The following SEMA3A variants were observed in gnomAD, a reference collection of about 807,000 sequenced individuals.
The protein encoded by SEMA3A is semaphorin 3A.
Under a neutral mutation model 97.9 loss-of-function variants are expected in SEMA3A, and 29 were observed. The observed-to-expected ratio is 0.30, with a 90% CI of 0.22 to 0.40. The LOEUF is 0.40. Ranked by LOEUF, SEMA3A falls within the 10% of genes least tolerant of loss-of-function variation. The pLI, the probability that SEMA3A is intolerant of heterozygous loss-of-function variation, is 1.00. For missense variants in SEMA3A, 763 were observed against 951.3 expected (o/e 0.80, Z 2.60); for synonymous variants, 321 against 323.7 (o/e 0.99, Z 0.09).
intron 3 of SEMA3A, among the ~76,000 whole-genome samples, chr7:84,113,268 A>G (rs1795327883): frequency 6.6e-6 from 1 of 152,212 alleles, no homozygotes; most frequent in Admixed American, 6.5e-5. Flanking sequence ...TGACAGAGAC[A>G]TTGTTAGTAA....
chr7:84,213,630 T>C (rs1164274902), intron 3 of SEMA3A, among the ~76,000 whole-genome samples: 1 of 152,174 alleles, frequency 6.6e-6, no homozygotes, highest in Non-Finnish European at 1.5e-5. Context: ...ATGCAAACAT[T>C]GGCATAATAA....
Position 84,229,017 on chromosome 7 carries a change from A to G in SEMA3A, c.-82-34349T>C, listed in dbSNP as rs80150308. Among the ~76,000 whole-genome samples the G allele has an allele frequency of 4.1e-3, 630 of 152,012 alleles. 3 individuals carry two copies. The highest frequency in any genetic ancestry group is 5.8e-3 in the Non-Finnish European group (391 of 67,960). ...ATTCTGACTTATTTTTCTTACTTTTATACTAATTTGAGATTGTCTTTCATA... is the reference window on the plus strand; with the variant it reads ...ATTCTGACTTATTTTTCTTACTTTTGTACTAATTTGAGATTGTCTTTCATA... On this transcript the variant is annotated intron_variant, in intron 3 of 3. Coordinates refer to the SEMA3A transcript ENST00000424555.
intron 1 of SEMA3A, among the ~76,000 whole-genome samples, chr7:84,382,702 CAAAAAAAA>C (rs377120252): frequency 3.7e-4 from 30 of 82,060 alleles, no homozygotes; most frequent in Non-Finnish European, 6.3e-4. Flanking sequence ...ACTAAAAATC[CAAAAAAAA>C]AAAAAAAAAA....
In SEMA3A at chr7:84,383,235, T is replaced by C. The variant is rs964974503; in HGVS notation, c.-245-11335A>G. 2.0e-5 allele frequency among the ~76,000 whole-genome samples: 3 copies of C among 152,156 alleles called. No homozygotes were observed. In the East Asian group the frequency reaches 5.8e-4, roughly 29 times the overall value. ...TTGAAAAATAATGAATGATAGAGTG[T>C]ACTAAGCCAATGAACTTCTGTACTA... On this transcript the variant is annotated intron_variant, in intron 1 of 3. Transcript: ENST00000424555.
intron 1 of SEMA3A, among the ~76,000 whole-genome samples, chr7:84,149,720 T>C (rs1407851993): frequency 6.6e-6 from 1 of 152,198 alleles, no homozygotes; most frequent in African/African-American, 2.4e-5. Context: ...AAAACACTAC[T>C]AACAATGTTA....
chr7:84,331,301 C>T (rs772627798), intron 2 of SEMA3A, among the ~76,000 whole-genome samples: 1 of 152,006 alleles, frequency 6.6e-6, no homozygotes, highest in African/African-American at 2.4e-5. Flanking sequence ...AGCTTGAAAT[C>T]AAGGCTTAAT....
At chr7:84,423,793 A>C (rs991629926) in intron 1 of SEMA3A, among the ~76,000 whole-genome samples, 1 of 152,034 alleles carries the variant, frequency 6.6e-6, no homozygotes, top group Non-Finnish European at 1.5e-5. Context: ...CAAGAAACTC[A>C]AACAAATCAG....
In SEMA3A at chr7:84,407,048, C is replaced by G. The variant is rs568878285; in HGVS notation, c.-245-35148G>C. Among the ~76,000 whole-genome samples, 106 of 152,214 alleles carry G rather than the reference C, an allele frequency of 7.0e-4. 1 individual carries two copies. Among genetic ancestry groups the G allele is most frequent in the African/African-American group, 2.4e-3 (98 of 41,526 alleles). On this transcript the variant is annotated intron_variant, in intron 1 of 3. Transcript: ENST00000424555. Reference sequence around the variant, plus strand: ...TCAACATAGTGTTGGAAGTTCTGGCCAGGGCAATCAGGCAGGAGAAGGAAA... The same window carrying G: ...TCAACATAGTGTTGGAAGTTCTGGCGAGGGCAATCAGGCAGGAGAAGGAAA...
At chr7:84,052,518 T>C (rs1583878643) in intron 5 of SEMA3A, among the ~76,000 whole-genome samples, 1 of 152,304 alleles carries the variant, frequency 6.6e-6, no homozygotes, top group Non-Finnish European at 1.5e-5. Flanking sequence ...TGTAGTATTC[T>C]CTGATGGTAG....
At chr7:84,094,157 G>A (rs1794679061) in intron 4 of SEMA3A, among the ~76,000 whole-genome samples, 2 of 152,134 alleles carry the variant, frequency 1.3e-5, no homozygotes, top group South Asian at 4.1e-4. Context: ...AATTAAGATT[G>A]TTATTTCACG....
At chr7:84,019,803 A>G (rs1466978691) in intron 6 of SEMA3A, among the ~76,000 whole-genome samples, 1 of 152,106 alleles carries the variant, frequency 6.6e-6, no homozygotes, top group Non-Finnish European at 1.5e-5. Flanking sequence ...CATGTTTTTA[A>G]TATTTCCATT....
intron 4 of SEMA3A, among the ~76,000 whole-genome samples, chr7:84,082,889 T>C (rs1010990039): frequency 2.0e-5 from 3 of 151,960 alleles, no homozygotes; most frequent in African/African-American, 7.2e-5. Context: ...TCTTGTCTCC[T>C]TTTTACAGGG....
At chr7:84,125,879 G>A (rs1309443026) in intron 3 of SEMA3A, among the ~76,000 whole-genome samples, 2 of 152,102 alleles carry the variant, frequency 1.3e-5, no homozygotes, top group Non-Finnish European at 2.9e-5. Flanking sequence ...TGATTCAGTC[G>A]TGAAATCAAA....
intron 1 of SEMA3A, among the ~76,000 whole-genome samples, chr7:84,483,301 A>C (rs1806492354): frequency 6.6e-6 from 1 of 152,294 alleles, no homozygotes; most frequent in Middle Eastern, 3.4e-3. Context: ...TTACTGGGAA[A>C]ATTTACCTAT....
At chr7:84,268,537 A>G (rs1437588965) in intron 3 of SEMA3A, among the ~76,000 whole-genome samples, 3 of 151,772 alleles carry the variant, frequency 2.0e-5, no homozygotes. Flanking sequence ...CCTTCCTAGT[A>G]TTTTCCCTTT....
intron 4 of SEMA3A, among the ~76,000 whole-genome samples, chr7:84,100,175 G>GT (rs2115895083): frequency 6.6e-6 from 1 of 152,062 alleles, no homozygotes; most frequent in South Asian, 2.1e-4. Flanking sequence ...GATGGCCTTT[G>GT]TTTACCTCAT....
intron 1 of SEMA3A, among the ~76,000 whole-genome samples, chr7:84,163,206 T>G (rs1383237272): frequency 6.6e-6 from 1 of 152,224 alleles, no homozygotes; most frequent in Non-Finnish European, 1.5e-5. Flanking sequence ...CTCTTTCCAG[T>G]ATTCATATGC....
At chr7:84,233,987 C>G (rs1729891976) in intron 3 of SEMA3A, among the ~76,000 whole-genome samples, 1 of 151,620 alleles carries the variant, frequency 6.6e-6, no homozygotes, top group East Asian at 1.9e-4. Context: ...AAAAAAAAAG[C>G]CTCATTTTTA....
chr7:84,249,509 T>G (rs1297654013), intron 3 of SEMA3A, among the ~76,000 whole-genome samples: 1 of 152,074 alleles, frequency 6.6e-6, no homozygotes, highest in African/African-American at 2.4e-5. Flanking sequence ...CTGTTCCCCA[T>G]GGTGATGGGT....
Sources: allele counts gnomAD v4.1 joint callset (sites outside exome capture counted in the v4.1 genomes callset), GRCh38; gene constraint gnomAD v4.1.1; transcripts MANE v1.5; gene names NCBI Gene and HGNC (gene_info 2026-07-23, HGNC 2026-07-21).